Variants in ZNF91 observed in about 807,000 individuals in gnomAD.
The protein encoded by ZNF91 is zinc finger protein 91 (HPF7, HTF10).
In ZNF91, 7 loss-of-function variants were observed where a neutral mutation model predicts 12.6. The observed-to-expected ratio is 0.55, with a 90% CI of 0.31 to 1.04. The LOEUF is 1.04. ZNF91 is among the 50% of genes least tolerant of loss of function. The pLI is 0.05. For missense variants in ZNF91, 1,217 were observed against 1,385.4 expected (o/e 0.88, Z 1.93); for synonymous variants, 453 against 462.6 (o/e 0.98, Z 0.27).
intron 2 of ZNF91, among the ~76,000 whole-genome samples, 178 bp downstream of exon 2, chr19:23,374,460 T>C (rs1321097651): frequency 7.0e-6 from 1 of 143,292 alleles, no homozygotes; most frequent in Admixed American, 7.3e-5. Context: ...CTCCGGAGGC[T>C]GAGTCAGGAG....
At chr19:23,346,412 G>A (rs563029953) in intron 3 of ZNF91, among the ~76,000 whole-genome samples, 3 of 152,086 alleles carry the variant, frequency 2.0e-5, no homozygotes, top group South Asian at 4.2e-4. Context: ...TGCCACCATC[G>A]AGACAACATG....
chr19:23,385,750 C>G (rs760518906), intron 1 of ZNF91, among the ~76,000 whole-genome samples: 1 of 152,072 alleles, frequency 6.6e-6, no homozygotes, highest in Admixed American at 6.6e-5. Context: ...TTGGGCTCAC[C>G]GTAGAGAATT....
chr19:23,368,194 G>A (rs1023995576), intron 3 of ZNF91, among the ~76,000 whole-genome samples: 9 of 151,894 alleles, frequency 5.9e-5, no homozygotes, highest in African/African-American at 1.7e-4. Context: ...AGGCCCAGCC[G>A]CATAAATTTT....
At chr19:23,338,046 A>C (rs1044663626), downstream of ZNF91, 8 of 152,178 alleles carry the variant, frequency 5.3e-5, no homozygotes, top group African/African-American at 1.9e-4. Context: ...TTTCTGAGGA[A>C]GAAAAAACAT....
At chr19:23,363,488 C>T (rs1461869967) in intron 3 of ZNF91, among the ~76,000 whole-genome samples, 3 of 152,190 alleles carry the variant, frequency 2.0e-5, no homozygotes, top group African/African-American at 7.2e-5. Context: ...GACATAAACA[C>T]AAAATTTCAG....
At chr19:23,385,120 G>C in intron 1 of ZNF91, 1 of 768,918 alleles carries the variant, frequency 1.3e-6, no homozygotes, top group South Asian at 1.6e-5. Context: ...ACAGTACCCC[G>C]AATGGCCAGC....
Position 23,362,252 on chromosome 19 carries a change from A to G in ZNF91, c.727T>C (p.Cys243Arg). Residue 243 changes from cysteine to arginine, a missense_variant, in exon 4 of 4, where the codon TGT (cysteine) becomes CGT (arginine). By Grantham distance (180) the Cys-to-Arg change is radical. This residue lies in a region of ZNF91 where 726 missense variants were observed against 895.5 expected (regional missense o/e 0.81). Transcript: ENST00000300619. ...GAGAGCTGCTTAAAAGCTTTGCCAC[A>G]TTCTTCACATTTGTAGGGTTTATCT... is the stretch of plus-strand genomic sequence containing the variant. ...TEDKPYKCEE[C>R]GKAFKQLSTL... The G allele has an allele frequency of 1.2e-6, 2 of 1,614,112 alleles. No individual in the cohort carries two copies.
At chr19:23,335,480 A>T (rs2145875412), downstream of ZNF91, among the ~76,000 whole-genome samples, 1 of 152,290 alleles carries the variant, frequency 6.6e-6, no homozygotes, top group African/African-American at 2.4e-5. Context: ...CAACCAATTC[A>T]AACTTCCCGG....
At chr19:23,306,975 G>C (rs1182932538) in intron 3 of ZNF91, 3 of 152,202 alleles carry the variant, frequency 2.0e-5, no homozygotes, top group Non-Finnish European at 4.4e-5. Flanking sequence ...ATTTTTAGTA[G>C]AGACAGCGTT....
At chr19:23,385,119 C>T (rs554244154) in intron 1 of ZNF91, 26 of 771,176 alleles carry the variant, frequency 3.4e-5, no homozygotes, top group Middle Eastern at 4.8e-4. Flanking sequence ...AACAGTACCC[C>T]GAATGGCCAG....
intron 1 of ZNF91, chr19:23,384,954 G>C: frequency 1.1e-6 from 1 of 895,310 alleles, no homozygotes; most frequent in Non-Finnish European, 1.9e-6. Context: ...AGTTGCCAAG[G>C]CTTAGCTGCG....
downstream of ZNF91, among the ~76,000 whole-genome samples, chr19:23,353,777 C>T (rs576504208): frequency 1.3e-5 from 2 of 152,192 alleles, no homozygotes; most frequent in African/African-American, 4.8e-5. Context: ...ATAACTGACA[C>T]CACTGAAATA....
In ZNF91 at chr19:23,361,714, G is replaced by T. The variant is rs200099187; in HGVS notation, c.1265C>A (p.Thr422Asn). 2,709 of 1,610,250 alleles carry T rather than the reference G, an allele frequency of 1.7e-3. 3 individuals are homozygous for T. The highest frequency in any genetic ancestry group is 1.9e-3 in the Non-Finnish European group (2,281 of 1,177,762). Residue 422 changes from threonine to asparagine, a missense_variant, in exon 4 of 4, where the codon ACT (threonine) becomes AAT (asparagine). Transcript: ENST00000300619. ...GKAFNRSSNL[T>N]IHKFIHTGEK... ...TCCAGTATGAATAAACTTATGTATA[G>T]TAAGATTTGAAGATCGATTAAAAGC...
chr19:23,393,778 C>G (rs1216420814), intron 1 of ZNF91, among the ~76,000 whole-genome samples: 2 of 152,036 alleles, frequency 1.3e-5, no homozygotes, highest in East Asian at 3.9e-4. Context: ...AGTGGGCAGA[C>G]CAGCTGAGGC....
chr19:23,342,718 A>C (rs938630576), intron 3 of ZNF91, among the ~76,000 whole-genome samples: 6 of 152,188 alleles, frequency 3.9e-5, no homozygotes, highest in Non-Finnish European at 7.3e-5. Flanking sequence ...CAAAGGGAGA[A>C]AATAGAAGCC....
chr19:23,327,005 A>T (rs957832479), intron 1 of ZNF91: 5 of 152,172 alleles, frequency 3.3e-5, no homozygotes, highest in Non-Finnish European at 1.5e-5. Flanking sequence ...CAGATAAAGG[A>T]CCCAGATCAT....
chr19:23,353,883 T>C (rs1968425625), downstream of ZNF91, among the ~76,000 whole-genome samples: 1 of 152,096 alleles, frequency 6.6e-6, no homozygotes, highest in African/African-American at 2.4e-5. Context: ...ACAACCCTCC[T>C]AGCTTAAATC....
chr19:23,335,698 T>C (rs947478417), downstream of ZNF91, among the ~76,000 whole-genome samples: 13 of 152,088 alleles, frequency 8.5e-5, no homozygotes, highest in African/African-American at 2.9e-4. Context: ...GGTGGGAGTG[T>C]CCCAATTTTC....
At chr19:23,391,708 G>A (rs1970068913) in intron 1 of ZNF91, among the ~76,000 whole-genome samples, 1 of 152,114 alleles carries the variant, frequency 6.6e-6, no homozygotes, top group Non-Finnish European at 1.5e-5. Flanking sequence ...CTGCGTGTGG[G>A]TTGCCAGCTT....
Sources: allele counts gnomAD v4.1 joint callset (sites outside exome capture counted in the v4.1 genomes callset), GRCh38; gene constraint gnomAD v4.1.1; regional missense constraint gnomAD v4.1.1; transcripts MANE v1.5; gene names NCBI Gene and HGNC (gene_info 2026-07-23, HGNC 2026-07-21).